Variants in CPXM2 observed in about 807,000 individuals in gnomAD.
The protein encoded by CPXM2 is inactive carboxypeptidase-like protein X2.
A neutral mutation model predicts 86.1 loss-of-function variants in CPXM2; 66 were observed. That is an observed-to-expected ratio of 0.77 (90% CI 0.63 to 0.94). CPXM2 has a LOEUF of 0.94. CPXM2 is among the 40% of genes least tolerant of loss of function. CPXM2 has a pLI of 0.00. For missense variants in CPXM2, 948 were observed against 1,026.3 expected, an observed-to-expected ratio of 0.92 and a Z score of 1.04; for synonymous variants, 388 against 400.2, an observed-to-expected ratio of 0.97 and a Z score of 0.36.
At chr10:123,813,249 C>T (rs78212281) in intron 4 of CPXM2, among the ~76,000 whole-genome samples, 2,127 of 152,298 alleles carry the variant, frequency 0.014, 27 homozygotes, top group Non-Finnish European at 0.021. Flanking sequence ...TCATCTGGCA[C>T]TTCAGTTTGC....
intron 2 of CPXM2, among the ~76,000 whole-genome samples, chr10:123,925,473 T>A (rs114879022): frequency 0.016 from 2,411 of 152,334 alleles, 57 homozygotes; most frequent in African/African-American, 0.054. Context: ...GGAGAGATAG[T>A]GGCTTCCACA....
chr10:123,930,792 C>A lies in CPXM2; in HGVS notation n.174+8685G>T, dbSNP rs75937295. On this transcript the variant is annotated intron_variant and non_coding_transcript_variant, in intron 2 of 19. Transcript: ENST00000368854. ...ATGCTCCAAAGCCAGGTCATGATGGCGTTTCCTGACATTCATTTTAATTGA... is the reference window on the plus strand; with the variant it reads ...ATGCTCCAAAGCCAGGTCATGATGGAGTTTCCTGACATTCATTTTAATTGA... 1.5e-3 allele frequency among the ~76,000 whole-genome samples: 222 copies of A among 152,342 alleles called. 5 individuals are homozygous for A. The East Asian group carries it at 0.039, about 26-fold the overall frequency.
Position 123,862,522 on chromosome 10 carries a change from A to G in CPXM2, c.513+92T>C, listed in dbSNP as rs1455416509. ...TTACTGTGAGCATCCAGGCTAATGC[A>G]TTTTAAATCCTGCGCATTGCCTGAT... On this transcript the variant is annotated intron_variant, in intron 3 of 13. Coordinates refer to ENST00000241305, the MANE Select transcript of CPXM2 (RefSeq NM_198148.3). 3.6e-6 allele frequency: 4 copies of G among 1,096,044 alleles called. No individual in the cohort carries two copies. In the African/African-American group the frequency reaches 6.2e-5, roughly 17 times the overall value. The allele number at this position is 1,096,044 out of a possible 1,614,324, so 67.9% of individuals were successfully genotyped here.
At chr10:123,912,639 T>C (rs1374436081) in intron 2 of CPXM2, among the ~76,000 whole-genome samples, 4 of 152,208 alleles carry the variant, frequency 2.6e-5, no homozygotes, top group Non-Finnish European at 5.9e-5. Context: ...ATTGGGAGCA[T>C]GGAAGTGTGA....
chr10:123,757,365 C>T lies in CPXM2; in HGVS notation c.1778-13G>A, dbSNP rs1001287696. On this transcript the variant is annotated splice_polypyrimidine_tract_variant and intron_variant, in intron 11 of 13. Transcript: ENST00000241305. ...AAATCGTTCAGACCTGCCAAGCCAA[C>T]CGGACAACACTTTAACTGAACAATA... 6.2e-7 allele frequency: 1 copy of T among 1,609,568 alleles called. No individual in the cohort carries two copies. Among genetic ancestry groups the T allele is most frequent in the Non-Finnish European group, 8.5e-7 (1 of 1,176,258 alleles).
chr10:123,843,175 C>A, intron 3 of CPXM2: 1 of 374,902 alleles, frequency 2.7e-6, no homozygotes, highest in South Asian at 2.0e-5. Context: ...TGGCCTCAGA[C>A]TCCTGGGTTT....
intron 2 of CPXM2, among the ~76,000 whole-genome samples, chr10:123,928,996 G>A (rs1945645207): frequency 6.6e-6 from 1 of 152,214 alleles, no homozygotes; most frequent in South Asian, 2.1e-4. Flanking sequence ...GAGTGGAGCA[G>A]GGGGGCACTC....
intron 4 of CPXM2, among the ~76,000 whole-genome samples, chr10:123,840,202 A>C (rs1430469835): frequency 2.0e-5 from 3 of 152,204 alleles, no homozygotes; most frequent in Non-Finnish European, 4.4e-5. Context: ...TTCTTGAGCA[A>C]CCCAACTGCC....
rs576474739 is a variant in CPXM2 at position 123,758,006 on chromosome 10, G to A, written c.1778-654C>T. Reference sequence around the variant, plus strand: ...TGGAAAGGGCCAGAGTCAGGGTTTGGGCCCAGGTCTGCATGCCCTTGCCCA... The same window carrying A: ...TGGAAAGGGCCAGAGTCAGGGTTTGAGCCCAGGTCTGCATGCCCTTGCCCA... On this transcript the variant is annotated intron_variant, in intron 11 of 13. Coordinates refer to ENST00000241305, the MANE Select transcript of CPXM2 (RefSeq NM_198148.3). 8.3e-4 allele frequency among the ~76,000 whole-genome samples: 127 copies of A among 152,220 alleles called. 1 individual carries two copies. In the Middle Eastern group the frequency reaches 0.037, roughly 45 times the overall value.
At chr10:123,870,871 G>A (rs549045400) in intron 2 of CPXM2, among the ~76,000 whole-genome samples, 4 of 152,264 alleles carry the variant, frequency 2.6e-5, no homozygotes, top group African/African-American at 9.6e-5. Context: ...ACCACTGGTC[G>A]GAAGTTCCCA....
At chr10:123,925,986 A>G (rs1945619212) in intron 2 of CPXM2, among the ~76,000 whole-genome samples, 2 of 152,198 alleles carry the variant, frequency 1.3e-5, no homozygotes, top group South Asian at 4.1e-4. Flanking sequence ...TAAGCATATC[A>G]TGCTTTTAAA....
chr10:123,778,636 T>C (rs917033956), intron 7 of CPXM2, among the ~76,000 whole-genome samples: 3 of 152,242 alleles, frequency 2.0e-5, no homozygotes, highest in African/African-American at 7.2e-5. Context: ...CTAGAGTCTC[T>C]GTGCAATTCA....
chr10:123,887,108 G>A (rs1184930223), intron 1 of CPXM2: 2 of 152,210 alleles, frequency 1.3e-5, no homozygotes, highest in African/African-American at 4.8e-5. Flanking sequence ...AGAGCAGAAC[G>A]TTGTCAAGTT....
In CPXM2 at chr10:123,754,725, T is replaced by C. The variant is rs1318926349; in HGVS notation, c.1955A>G (p.His652Arg). Residue 652 changes from histidine to arginine, a missense_variant, in exon 13 of 14, where the codon CAT (histidine) becomes CGT (arginine). Transcript: ENST00000241305. The surrounding 1 kb of genome is among the most constrained non-coding windows in gnomAD (Gnocchi z 4.0). ...AATGGCGTTTGGGATTCCTTTTCCA[T>C]GTGAATCTCTCACCAAGCCTTTAAT... is the stretch of plus-strand genomic sequence containing the variant. The part of the protein sequence containing the change: ...RGIKGLVRDS[H>R]GKGIPNAIIS... 4 of 1,611,648 alleles carry C rather than the reference T, an allele frequency of 2.5e-6. No individual in the cohort carries two copies. Among genetic ancestry groups the C allele is most frequent in the Non-Finnish European group, 3.4e-6 (4 of 1,177,652 alleles).
rs1456903309 is a variant in CPXM2, at chr10:123,754,609, CT to C, written c.2017+53del. 12 of 967,040 alleles carry C rather than the reference CT, an allele frequency of 1.2e-5. No homozygotes were observed. Among genetic ancestry groups the C allele is most frequent in the Non-Finnish European group, 2.0e-5 (12 of 594,194 alleles). The allele number at this position is 967,040 out of a possible 1,614,324, so 59.9% of individuals were successfully genotyped here. On this transcript the variant is annotated intron_variant, in intron 13 of 13. Coordinates refer to ENST00000241305, the MANE Select transcript of CPXM2 (RefSeq NM_198148.3). The surrounding 1 kb of genome is among the most constrained non-coding windows in gnomAD (Gnocchi z 4.0). Reference sequence around the variant, plus strand: ...CATGATTGTAACCCAAGTAAAATGCCTAAAAAAATGGGTATTTCTTACCAAG... The same window carrying C: ...CATGATTGTAACCCAAGTAAAATGCCAAAAAAATGGGTATTTCTTACCAAG...
chr10:123,921,682 C>T (rs1355098079), intron 2 of CPXM2, among the ~76,000 whole-genome samples: 2 of 152,190 alleles, frequency 1.3e-5, no homozygotes, highest in Admixed American at 1.3e-4. Context: ...CACCTGTGTG[C>T]TGAATAATTC....
intron 2 of CPXM2, among the ~76,000 whole-genome samples, chr10:123,871,117 G>A (rs900894034): frequency 3.9e-5 from 6 of 152,158 alleles, no homozygotes; most frequent in Admixed American, 3.3e-4. Flanking sequence ...CTTCTTAAAT[G>A]TCCAGCTCAG....
intron 2 of CPXM2, among the ~76,000 whole-genome samples, chr10:123,912,429 G>A (rs985507278): frequency 5.9e-5 from 9 of 152,128 alleles, no homozygotes. Context: ...CAGGTCACAT[G>A]AGAGAGGCAG....
upstream of CPXM2, among the ~76,000 whole-genome samples, chr10:123,896,174 G>A (rs904574436): frequency 4.6e-5 from 7 of 152,044 alleles, no homozygotes; most frequent in South Asian, 2.1e-4. Flanking sequence ...TTTTCATTAC[G>A]GACTTTTCAC....
Sources: gnomAD v4.1 joint callset for allele counts (sites outside exome capture counted in the v4.1 genomes callset) on GRCh38, gnomAD v4.1.1 for gene constraint, Gnocchi (gnomAD v3.1) non-coding constraint, MANE v1.5 for transcripts, NCBI Gene and HGNC (gene_info 2026-07-23, HGNC 2026-07-21) for gene names.